The following DOCK2 variants were observed in gnomAD, a reference collection of about 807,000 sequenced individuals.
DOCK2 encodes the protein dedicator of cytokinesis 2.
DOCK2 carries 87 observed loss-of-function variants against 248.9 expected under a neutral mutation model. The observed-to-expected ratio is 0.35, with a 90% CI of 0.29 to 0.42. DOCK2 has a LOEUF of 0.42. DOCK2 is among the 10% of genes least tolerant of loss of function. The pLI, the probability that DOCK2 is intolerant of heterozygous loss-of-function variation, is 1.00. For missense variants in DOCK2, 1,747 were observed against 2,300.2 expected, an observed-to-expected ratio of 0.76 and a Z score of 4.92; for synonymous variants, 805 against 821.6, an observed-to-expected ratio of 0.98 and a Z score of 0.35.
At chr5:169,901,590 AC>A (rs1253610466) in intron 27 of DOCK2, among the ~76,000 whole-genome samples, 15 of 152,230 alleles carry the variant, frequency 9.9e-5, no homozygotes, top group Admixed American at 9.2e-4. Flanking sequence ...TCCAGGTAAC[AC>A]ATGATGATGG....
intron 27 of DOCK2, among the ~76,000 whole-genome samples, chr5:169,852,511 C>T (rs984501250): frequency 8.5e-5 from 13 of 152,176 alleles, no homozygotes; most frequent in Admixed American, 6.5e-4. Flanking sequence ...GAGGAGGTCT[C>T]CTCATTCCAC....
chr5:169,925,916 C>T (rs1055988079), intron 27 of DOCK2, among the ~76,000 whole-genome samples: 7 of 152,222 alleles, frequency 4.6e-5, no homozygotes, highest in African/African-American at 7.2e-5. Flanking sequence ...TTGTGTTTCC[C>T]GCAGAGACTC....
intron 27 of DOCK2, chr5:169,882,688 A>G: frequency 6.4e-7 from 1 of 1,552,114 alleles, no homozygotes; most frequent in Non-Finnish European, 8.7e-7. Flanking sequence ...ACCCCGTGCC[A>G]GGTGAATTTG....
At chr5:169,787,251 C>T (rs918904127) in intron 25 of DOCK2, among the ~76,000 whole-genome samples, 1 of 152,160 alleles carries the variant, frequency 6.6e-6, no homozygotes, top group Admixed American at 6.5e-5. Context: ...CCTTGATGGC[C>T]GACATTTCCT....
At chr5:169,751,994 A>ATTC (rs10657042) in intron 23 of DOCK2, among the ~76,000 whole-genome samples, 46,260 of 149,940 alleles carry the variant, frequency 0.31, 9,767 homozygotes, top group African/African-American at 0.61. Flanking sequence ...CCAAAGCACT[A>ATTC]TTCTCTATGC....
At chr5:169,863,328 A>T (rs1388733500) in intron 27 of DOCK2, among the ~76,000 whole-genome samples, 1 of 152,234 alleles carries the variant, frequency 6.6e-6, no homozygotes, top group East Asian at 1.9e-4. Flanking sequence ...TCTGGGATGA[A>T]GGGATGAGAA....
chr5:169,920,884 T>C (rs528350664), intron 27 of DOCK2, among the ~76,000 whole-genome samples: 37 of 152,194 alleles, frequency 2.4e-4, no homozygotes, highest in African/African-American at 7.5e-4. Flanking sequence ...AGCCCAGTAG[T>C]GGGCAGTTGT....
At chr5:169,814,376 C>T (rs752598604) in intron 26 of DOCK2, among the ~76,000 whole-genome samples, 1 of 152,168 alleles carries the variant, frequency 6.6e-6, no homozygotes, top group South Asian at 2.1e-4. Context: ...CAGTCTAGTC[C>T]TCTTCAACAG....
chr5:169,938,478 G>C (rs559275577), intron 27 of DOCK2, among the ~76,000 whole-genome samples: 1 of 152,250 alleles, frequency 6.6e-6, no homozygotes, highest in Admixed American at 6.5e-5. Context: ...GAATACTGTA[G>C]GCAATTAGAA....
intron 27 of DOCK2, among the ~76,000 whole-genome samples, chr5:169,896,807 G>A (rs564198708): frequency 6.6e-6 from 1 of 152,302 alleles, no homozygotes; most frequent in South Asian, 2.1e-4. Flanking sequence ...GATTGATAAT[G>A]TAGAAGAGGA....
chr5:169,686,253 T>A lies in DOCK2; in HGVS notation c.761+1903T>A, dbSNP rs895798979. On this transcript the variant is annotated intron_variant, in intron 8 of 51. Transcript: ENST00000520908. ...TATGGGGCCTATGACACACAGCAGATCTGAAAGTGCTCACTGCCTGCCACA... is the reference window on the plus strand; with the variant it reads ...TATGGGGCCTATGACACACAGCAGAACTGAAAGTGCTCACTGCCTGCCACA... Among the ~76,000 whole-genome samples, 4 of 152,044 alleles carry A rather than the reference T, an allele frequency of 2.6e-5. No individual in the cohort carries two copies. In the East Asian group the frequency reaches 7.7e-4, roughly 29 times the overall value.
At chr5:170,046,859 G>A (rs564003863) in intron 39 of DOCK2, among the ~76,000 whole-genome samples, 14 of 152,110 alleles carry the variant, frequency 9.2e-5, no homozygotes, top group African/African-American at 2.7e-4. Context: ...ACAGGCCCCC[G>A]TCTAGATCCA....
intron 23 of DOCK2, among the ~76,000 whole-genome samples, chr5:169,757,737 GA>G (rs2113726650): frequency 6.6e-6 from 1 of 151,786 alleles, no homozygotes; most frequent in South Asian, 2.1e-4. Flanking sequence ...AAACCAATAA[GA>G]AAAAAATACC....
At chr5:170,060,966 G>A (rs1053171517) in intron 44 of DOCK2, among the ~76,000 whole-genome samples, 3 of 152,044 alleles carry the variant, frequency 2.0e-5, no homozygotes, top group African/African-American at 7.3e-5. Context: ...GGAGGCGGAG[G>A]TTGCAGTGAG....
chr5:169,934,402 G>T (rs377735409), intron 27 of DOCK2, among the ~76,000 whole-genome samples: 1 of 152,072 alleles, frequency 6.6e-6, no homozygotes, highest in Non-Finnish European at 1.5e-5. Flanking sequence ...TTACCTATCC[G>T]CATGCCCGTG....
intron 23 of DOCK2, among the ~76,000 whole-genome samples, chr5:169,752,580 A>C (rs987745532): frequency 2.2e-5 from 3 of 134,312 alleles, no homozygotes; most frequent in African/African-American, 3.6e-5. Flanking sequence ...CTCGACAAAA[A>C]ATTAAAAAAA....
At chr5:169,885,130 C>T (rs984296073) in intron 27 of DOCK2, among the ~76,000 whole-genome samples, 5 of 152,208 alleles carry the variant, frequency 3.3e-5, no homozygotes, top group Admixed American at 3.3e-4. Flanking sequence ...CTCACACACC[C>T]AGTGCCAAGA....
chr5:169,710,379 C>T (rs952924226), intron 15 of DOCK2, among the ~76,000 whole-genome samples: 1 of 152,172 alleles, frequency 6.6e-6, no homozygotes, highest in Non-Finnish European at 1.5e-5. Flanking sequence ...CAAGCTGCAC[C>T]ATTCTACTCA....
chr5:169,765,103 C>CACA (rs55959467), intron 25 of DOCK2, among the ~76,000 whole-genome samples: 18 of 148,042 alleles, frequency 1.2e-4, no homozygotes, highest in East Asian at 5.9e-4. Flanking sequence ...CACACACACA[C>CACA]CCCACACACA....
Sources: gnomAD v4.1 joint callset for allele counts (sites outside exome capture counted in the v4.1 genomes callset) on GRCh38, gnomAD v4.1.1 for gene constraint, MANE v1.5 for transcripts, NCBI Gene and HGNC (gene_info 2026-07-23, HGNC 2026-07-21) for gene names.